Variants in PDIA6 observed in about 807,000 individuals in gnomAD.
The protein encoded by PDIA6 is protein disulfide isomerase family A member 6.
Under a neutral mutation model 58.4 loss-of-function variants are expected in PDIA6, and 29 were observed. That is an observed-to-expected ratio of 0.50 (90% CI 0.37 to 0.68). The LOEUF (loss-of-function observed/expected upper bound fraction) is 0.68. PDIA6 is among the 30% of genes least tolerant of loss of function. PDIA6 has a pLI of 0.00. For missense variants in PDIA6, 480 were observed against 551.0 expected (o/e 0.87, Z 1.29); for synonymous variants, 192 against 202.6 (o/e 0.95, Z 0.44).
At chr2:10,794,210 C>T (rs897884974) in intron 4 of PDIA6, among the ~76,000 whole-genome samples, 3 of 152,032 alleles carry the variant, frequency 2.0e-5, no homozygotes, top group Non-Finnish European at 2.9e-5. Context: ...CTTTGGGAGG[C>T]AGAGGCACGT....
intron 4 of PDIA6, 49 bp from the exon 5 acceptor site, chr2:10,793,251 G>T: frequency 8.0e-7 from 1 of 1,251,358 alleles, no homozygotes; most frequent in Non-Finnish European, 1.2e-6. Flanking sequence ...TTCAGCAAGT[G>T]CCTCATCTGG....
upstream of PDIA6, among the ~76,000 whole-genome samples, chr2:10,817,411 A>C (rs1667229671): frequency 6.6e-6 from 1 of 152,204 alleles, no homozygotes; most frequent in Non-Finnish European, 1.5e-5. Context: ...CTGGGTTAGA[A>C]TAAAGAACTG....
At chr2:10,786,152 A>G (rs1665731445) in intron 11 of PDIA6, among the ~76,000 whole-genome samples, 2 of 152,184 alleles carry the variant, frequency 1.3e-5, no homozygotes, top group East Asian at 1.9e-4. Flanking sequence ...GTGAAAACCC[A>G]TCTCTACTAA....
At position 10,783,697 on chromosome 2, in the gene PDIA6, G is replaced by A. The variant is rs935682422; in HGVS notation, c.*561C>T. On this transcript the variant is annotated 3_prime_UTR_variant, in exon 13 of 13. Transcript: ENST00000272227. ...AGCCCGGTTTCCATGTAAAATCTCT[G>A]TTGTGGTGGGCATAGGTGGCACCAT... 6 of 163,174 alleles carry A rather than the reference G, an allele frequency of 3.7e-5. No homozygotes were observed. The highest frequency in any genetic ancestry group is 1.2e-4 in the Admixed American group (2 of 16,372). 10.1% of individuals were successfully genotyped at this position (163,174 alleles called of 1,614,324 possible). A position where few individuals can be genotyped will look rare whatever the true frequency, so the allele number is the denominator to read the frequency against.
At position 10,787,367 on chromosome 2, in the gene PDIA6, G is replaced by A. The variant is rs1036618693; in HGVS notation, c.1071C>T (p.Pro357=). The change falls in exon 11 of 13, where the codon CCC becomes CCT. Residue 357 remains proline, a synonymous_variant. Transcript: ENST00000272227. ...TALGIGGFGY[P]AMAAINARKM... ...TGCGTGCATTGATGGCGGCCATGGC[G>A]GGGTACCCAAACCCTCCAATCCCCA... The A allele has an allele frequency of 6.8e-6, 11 of 1,613,952 alleles. No individual in the cohort carries two copies. The highest frequency in any genetic ancestry group is 3.3e-4 in the Middle Eastern group (2 of 6,080).
Position 10,789,108 on chromosome 2 carries a change from G to A in PDIA6, c.841-127C>T, listed in dbSNP as rs149020145. 6.2e-4 allele frequency: 432 copies of A among 698,696 alleles called. 1 individual carries two copies. The African/African-American group carries it at 6.2e-3, about 10-fold the overall frequency. The allele number at this position is 698,696 out of a possible 1,614,324, so 43.3% of individuals were successfully genotyped here. A position where few individuals can be genotyped will look rare whatever the true frequency, so the allele number is the denominator to read the frequency against. On this transcript the variant is annotated intron_variant, in intron 8 of 12. Transcript: ENST00000272227. ...ACATTTCTCCCACGACTACTTCCTCGTATGGAAACACCTGGAGGCATGTTC... is the reference window on the plus strand; with the variant it reads ...ACATTTCTCCCACGACTACTTCCTCATATGGAAACACCTGGAGGCATGTTC...
intron 2 of PDIA6, among the ~76,000 whole-genome samples, chr2:10,801,487 C>T (rs185119484): frequency 3.3e-5 from 5 of 152,252 alleles, no homozygotes; most frequent in Non-Finnish European, 1.5e-5. Context: ...CATACAGAGA[C>T]GTTTAACAAT....
chr2:10,836,768 C>T (rs1667840155), upstream of PDIA6, among the ~76,000 whole-genome samples: 4 of 151,960 alleles, frequency 2.6e-5, no homozygotes, highest in South Asian at 8.3e-4. Flanking sequence ...TGTGTCTTTT[C>T]ATTGCCGCTT....
At chr2:10,813,643 G>GTT (rs113460074), upstream of PDIA6, among the ~76,000 whole-genome samples, 6 of 148,728 alleles carry the variant, frequency 4.0e-5, no homozygotes, top group African/African-American at 1.5e-4. Context: ...AAATTTTTTT[G>GTT]CTTTTTTTTG....
chr2:10,790,707 A>T lies in PDIA6; in HGVS notation c.699+12T>A. 1 of 1,568,044 alleles carries T rather than the reference A, an allele frequency of 6.4e-7. No individual in the cohort carries two copies. Among genetic ancestry groups the T allele is most frequent in the African/African-American group, 1.3e-5 (1 of 74,136 alleles). ...TATTTCACAATGAAATGAGCCTTAT[A>T]AGTATACTCACCCCGTATCGGGAGG... On this transcript the variant is annotated intron_variant, in intron 7 of 12. Coordinates refer to ENST00000272227, the MANE Select transcript of PDIA6 (RefSeq NM_005742.4).
At chr2:10,802,673 G>C in intron 1 of PDIA6, 33 bp from the exon 2 acceptor site, 1 of 1,376,414 alleles carries the variant, frequency 7.3e-7, no homozygotes, top group South Asian at 2.2e-5. Context: ...ACCATTAACA[G>C]CACTGTTCAT....
At chr2:10,807,275 C>T (rs984044100) in intron 1 of PDIA6, among the ~76,000 whole-genome samples, 17 of 152,158 alleles carry the variant, frequency 1.1e-4, no homozygotes, top group African/African-American at 3.9e-4. Flanking sequence ...ATGGTGCAAA[C>T]ACAGCTCCCT....
In PDIA6 at chr2:10,784,912, A is replaced by G. The variant is rs1341730018; in HGVS notation, c.1254+22T>C. 4.6e-6 allele frequency: 7 copies of G among 1,507,404 alleles called. No homozygotes were observed. The Admixed American group carries it at 1.1e-4, about 24-fold the overall frequency. The allele number at this position is 1,507,404 out of a possible 1,614,324, so 93.4% of individuals were successfully genotyped here. On this transcript the variant is annotated intron_variant, in intron 12 of 12. Transcript: ENST00000272227. ...AGTAAACCAGGACTGCTGCCCGCAC[A>G]GCTTCCCTCCCGGGCACTCACCTCG...
rs56308831 is a variant in PDIA6, at chr2:10,809,645, CAAAAAAAAAA to C, written c.19+3023_19+3032del. On this transcript the variant is annotated intron_variant, in intron 1 of 12. Transcript: ENST00000272227. ...TGGGAGGCAGAGCAAGACCCGGTCTCAAAAAAAAAAAAAAAAAAAAAAAAAAACCCAAAAA... is the reference window on the plus strand; with the variant it reads ...TGGGAGGCAGAGCAAGACCCGGTCTCAAAAAAAAAAAAAAAAACCCAAAAA... 1.4e-4 allele frequency among the ~76,000 whole-genome samples: 9 copies of C among 64,672 alleles called. No homozygotes were observed. The South Asian group carries it at 5.0e-3, about 36-fold the overall frequency. The allele number at this position is 64,672 out of a possible 152,430, so 42.4% of individuals were successfully genotyped here.
upstream of PDIA6, among the ~76,000 whole-genome samples, chr2:10,834,745 T>C (rs924593444): frequency 0.34 from 21,542 of 64,222 alleles, 4,538 homozygotes; most frequent in East Asian, 0.57. Context: ...CTTCCTTCCT[T>C]CCTTCCTTCC....
At chr2:10,801,353 A>T (rs1481993773) in intron 2 of PDIA6, among the ~76,000 whole-genome samples, 1 of 152,194 alleles carries the variant, frequency 6.6e-6, no homozygotes, top group African/African-American at 2.4e-5. Flanking sequence ...TGTAATAATG[A>T]TTAACTAGTG....
intron 1 of PDIA6, chr2:10,823,203 T>C (rs1667451348): frequency 6.6e-6 from 1 of 152,254 alleles, no homozygotes; most frequent in South Asian, 2.1e-4. Context: ...TGCAGTCTCA[T>C]TGTCAGCAGC....
At chr2:10,813,829 T>C (rs1024316344), upstream of PDIA6, among the ~76,000 whole-genome samples, 1 of 144,322 alleles carries the variant, frequency 6.9e-6, no homozygotes, top group African/African-American at 2.7e-5. Flanking sequence ...AGAGACAGGG[T>C]TTCTCTTGCC....
At chr2:10,790,623 TCTC>T in intron 7 of PDIA6, 93 bp downstream of exon 7, 1 of 829,018 alleles carries the variant, frequency 1.2e-6, no homozygotes, top group Non-Finnish European at 2.0e-6. Context: ...GGTTTAAACA[TCTC>T]CTTTACTACC....
Sources: gnomAD v4.1 joint callset for allele counts (sites outside exome capture counted in the v4.1 genomes callset) on GRCh38, gnomAD v4.1.1 for gene constraint, MANE v1.5 for transcripts, NCBI Gene and HGNC (gene_info 2026-07-23, HGNC 2026-07-21) for gene names.